The following GAPVD1 variants were observed in gnomAD, a reference collection of about 807,000 sequenced individuals.
GAPVD1 encodes the protein GTPase activating protein and VPS9 domains 1, also known as GTPase-activating protein and VPS9 domain-containing protein 1.
In GAPVD1, 35 loss-of-function variants were observed where a neutral mutation model predicts 155.5. The observed-to-expected ratio is 0.23, with a 90% confidence interval of 0.17 to 0.30. The LOEUF is 0.30. Ranked by LOEUF, GAPVD1 falls within the 10% of genes least tolerant of loss-of-function variation. The probability of loss-of-function intolerance (pLI) is 1.00; values close to 1 mark genes in which losing one functional copy is unlikely to be tolerated. For missense variants in GAPVD1, 1,429 were observed against 1,775.7 expected (o/e 0.80, Z 3.51); for synonymous variants, 636 against 619.7 (o/e 1.03, Z -0.39).
At chr9:125,278,647 C>T (rs1003478328) in intron 2 of GAPVD1, among the ~76,000 whole-genome samples, 3 of 151,956 alleles carry the variant, frequency 2.0e-5, no homozygotes, top group Admixed American at 1.3e-4. Context: ...CCAGTCTGGG[C>T]AATGTGGTGA....
intron 12 of GAPVD1, among the ~76,000 whole-genome samples, chr9:125,327,264 G>A (rs1845322342): frequency 6.6e-6 from 1 of 151,588 alleles, no homozygotes; most frequent in South Asian, 2.1e-4. Context: ...TTTGGATACT[G>A]TTTTATGAGT....
At chr9:125,354,554 C>G in intron 23 of GAPVD1, 100 bp from the exon 24 acceptor site, 2 of 719,670 alleles carry the variant, frequency 2.8e-6, no homozygotes, top group South Asian at 1.8e-5. Context: ...TAAAACCAGT[C>G]TGTGCAGTAA....
chr9:125,263,525 GT>G (rs1481409870), intron 1 of GAPVD1: 1 of 824,960 alleles, frequency 1.2e-6, no homozygotes, highest in African/African-American at 1.7e-5. Context: ...TAGAAGAACT[GT>G]TGTTTTTTTT....
At chr9:125,290,917 G>C (rs1044648296) in intron 2 of GAPVD1, among the ~76,000 whole-genome samples, 11 of 151,788 alleles carry the variant, frequency 7.2e-5, no homozygotes, top group Non-Finnish European at 8.8e-5. Flanking sequence ...GCTTGAGCTG[G>C]GGAGGTCAAG....
At chr9:125,333,180 A>G (rs990951452) in intron 15 of GAPVD1, among the ~76,000 whole-genome samples, 2 of 151,744 alleles carry the variant, frequency 1.3e-5, no homozygotes, top group African/African-American at 2.4e-5. Context: ...TGCTGGGTTC[A>G]AGCCATTCTC....
intron 12 of GAPVD1, among the ~76,000 whole-genome samples, chr9:125,328,526 C>T (rs1845550969): frequency 7.1e-6 from 1 of 141,352 alleles, no homozygotes; most frequent in African/African-American, 2.7e-5. Flanking sequence ...GGTAAGGTCA[C>T]AGATCAACAG....
chr9:125,300,023 G>GGAAAAAAAAAAAAAA (rs1840522057), intron 4 of GAPVD1, among the ~76,000 whole-genome samples: 1 of 668 alleles, frequency 1.5e-3, no homozygotes, highest in Non-Finnish European at 6.9e-3. Flanking sequence ...TGTCTCAAAA[G>GGAAAAAAAAAAAAAA]AAAAAAAAAA....
intron 9 of GAPVD1, among the ~76,000 whole-genome samples, chr9:125,313,455 C>T (rs757902951): frequency 6.6e-6 from 1 of 152,082 alleles, no homozygotes; most frequent in Non-Finnish European, 1.5e-5. Flanking sequence ...AGGTGCCCGC[C>T]ACCACGCTCG....
At chr9:125,345,169 TTCTC>T (rs748410993) in intron 19 of GAPVD1, among the ~76,000 whole-genome samples, 11 of 151,908 alleles carry the variant, frequency 7.2e-5, no homozygotes, top group Non-Finnish European at 1.3e-4. Context: ...TCTTTTTCTT[TTCTC>T]TCTCTCTTTT....
At chr9:125,343,790 C>A (rs1589062556) in intron 19 of GAPVD1, among the ~76,000 whole-genome samples, 1 of 152,316 alleles carries the variant, frequency 6.6e-6, no homozygotes, top group East Asian at 1.9e-4. Flanking sequence ...AAGACATTGT[C>A]CTTTTGGCAA....
chr9:125,351,753 C>A (rs376125364), intron 23 of GAPVD1, among the ~76,000 whole-genome samples: 1 of 149,332 alleles, frequency 6.7e-6, no homozygotes. Context: ...TTTTTTTTTT[C>A]CCCCGAGATG....
intron 16 of GAPVD1, 24 bp from the exon 17 acceptor site, chr9:125,337,197 A>G: frequency 6.2e-7 from 1 of 1,612,404 alleles, no homozygotes; most frequent in African/African-American, 1.3e-5. Flanking sequence ...TCTCAGTTAC[A>G]AAACTTTTTT....
At position 125,362,776 on chromosome 9, in the gene GAPVD1, CTG is replaced by C. The variant is rs1851125243; in HGVS notation, c.*32_*33del. 1 of 1,603,638 alleles carries C rather than the reference CTG, an allele frequency of 6.2e-7. No homozygotes were observed. Among genetic ancestry groups the C allele is most frequent in the African/African-American group, 1.3e-5 (1 of 74,572 alleles). ...GACCAAGGCCCACCAAGGCAGCAGA[CTG>C]TTAATCAGACAAACAGATCTCTGAG... On this transcript the variant is annotated 3_prime_UTR_variant, in exon 28 of 28. Transcript: ENST00000297933.
intron 25 of GAPVD1, 34 bp downstream of exon 25, chr9:125,355,891 C>A: frequency 2.6e-6 from 3 of 1,162,750 alleles, no homozygotes; most frequent in Non-Finnish European, 3.9e-6. Flanking sequence ...CTATGTGGAA[C>A]TACATAGGGA....
chr9:125,291,019 G>C (rs1838510467), intron 2 of GAPVD1, among the ~76,000 whole-genome samples: 1 of 150,320 alleles, frequency 6.7e-6, no homozygotes, highest in African/African-American at 2.4e-5. Context: ...AAAAGACTGG[G>C]CATAATGGCT....
At chr9:125,294,034 T>C (rs1423917610) in intron 2 of GAPVD1, among the ~76,000 whole-genome samples, 1 of 150,480 alleles carries the variant, frequency 6.6e-6, no homozygotes, top group African/African-American at 2.4e-5. Context: ...TGCCCTAGCC[T>C]CCCTAGTAGC....
intron 9 of GAPVD1, among the ~76,000 whole-genome samples, chr9:125,316,825 C>T (rs1343230974): frequency 6.6e-6 from 1 of 152,176 alleles, no homozygotes; most frequent in African/African-American, 2.4e-5. Flanking sequence ...ACACTGTCTT[C>T]CATAACAGTT....
chr9:125,264,145 G>C (rs1005175357), intron 1 of GAPVD1: 1 of 690,886 alleles, frequency 1.4e-6, no homozygotes, highest in African/African-American at 1.8e-5. Flanking sequence ...AGACGAAAGA[G>C]AATTTCATAA....
At chr9:125,316,446 T>G (rs1843437886) in intron 9 of GAPVD1, among the ~76,000 whole-genome samples, 1 of 152,226 alleles carries the variant, frequency 6.6e-6, no homozygotes, top group Admixed American at 6.5e-5. Flanking sequence ...TTTCTGTTCC[T>G]GCATTAGTTT....
Sources: gnomAD v4.1 joint callset for allele counts (sites outside exome capture counted in the v4.1 genomes callset) on GRCh38, gnomAD v4.1.1 for gene constraint, MANE v1.5 for transcripts, NCBI Gene and HGNC (gene_info 2026-07-23, HGNC 2026-07-21) for gene names.